CERT1: variants seen among roughly 807,000 people sequenced by gnomAD.
CERT1 encodes the protein ceramide transporter 1.
CERT1 carries 31 observed loss-of-function variants against 87.9 expected under a neutral mutation model. The ratio of observed to expected loss-of-function variants is 0.35; its 90% CI spans 0.27 to 0.48. CERT1 has a LOEUF of 0.48. Among genes scored for constraint, CERT1 ranks in the 20% least tolerant of loss-of-function variants. The pLI, the probability that CERT1 is intolerant of heterozygous loss-of-function variation, is 0.99. For missense variants in CERT1, 487 were observed against 758.0 expected, an observed-to-expected ratio of 0.64 and a Z score of 4.20; for synonymous variants, 289 against 250.9, an observed-to-expected ratio of 1.15 and a Z score of -1.44.
At chr5:75,459,895 G>A (rs1168276237) in intron 2 of CERT1, among the ~76,000 whole-genome samples, 4 of 149,410 alleles carry the variant, frequency 2.7e-5, no homozygotes, top group African/African-American at 7.4e-5. Context: ...CCGGGAGGCC[G>A]AGGTTTCAGT....
chr5:75,399,770 A>G (rs973333347), intron 10 of CERT1, among the ~76,000 whole-genome samples: 4 of 152,204 alleles, frequency 2.6e-5, no homozygotes, highest in African/African-American at 9.6e-5. Flanking sequence ...GAGGATGTAT[A>G]TGGAATACAA....
At chr5:75,386,324 A>T (rs1366877281) in intron 12 of CERT1, among the ~76,000 whole-genome samples, 9 of 151,628 alleles carry the variant, frequency 5.9e-5, no homozygotes, top group Non-Finnish European at 1.0e-4. Context: ...TACCATTCTC[A>T]AAAGACTGTT....
At chr5:75,369,965 G>GC (rs1761026460) in intron 17 of CERT1, 1 of 152,186 alleles carries the variant, frequency 6.6e-6, no homozygotes, top group Non-Finnish European at 1.5e-5. Context: ...TCGAATAATG[G>GC]CAAGAAAATC....
chr5:75,481,383 T>C (rs1466135242), intron 2 of CERT1, among the ~76,000 whole-genome samples: 1 of 152,210 alleles, frequency 6.6e-6, no homozygotes, highest in South Asian at 2.1e-4. Flanking sequence ...TAAATTTGAA[T>C]AGTTACTATA....
intron 2 of CERT1, among the ~76,000 whole-genome samples, chr5:75,464,456 G>A (rs1765374327): frequency 6.6e-6 from 1 of 152,190 alleles, no homozygotes; most frequent in Non-Finnish European, 1.5e-5. Context: ...GGGGATGCGG[G>A]TGAAGGCAAG....
intron 7 of CERT1, among the ~76,000 whole-genome samples, chr5:75,415,028 G>GTA (rs199553550): frequency 3.0e-4 from 46 of 151,674 alleles, no homozygotes; most frequent in East Asian, 1.7e-3. Flanking sequence ...TCTTTAGTGT[G>GTA]TATATATACA....
At chr5:75,434,628 T>TAG (rs1764013121) in intron 3 of CERT1, among the ~76,000 whole-genome samples, 1 of 151,900 alleles carries the variant, frequency 6.6e-6, no homozygotes, top group Non-Finnish European at 1.5e-5. Context: ...CACGGCTTTT[T>TAG]CTGATTGGTA....
chr5:75,500,166 A>G (rs1219446584), intron 2 of CERT1, among the ~76,000 whole-genome samples: 1 of 152,174 alleles, frequency 6.6e-6, no homozygotes, highest in Non-Finnish European at 1.5e-5. Flanking sequence ...GAAACTCATG[A>G]AACAGCTTCT....
intron 3 of CERT1, 93 bp downstream of exon 3, chr5:75,458,972 G>C (rs1765116631): frequency 2.9e-6 from 2 of 678,670 alleles, no homozygotes; most frequent in South Asian, 1.9e-5. Flanking sequence ...CAATGTTTCA[G>C]TAACTAATGT....
intron 1 of CERT1, 132 bp from the exon 2 acceptor site, chr5:75,506,248 A>C (rs909387797): frequency 5.6e-6 from 4 of 708,218 alleles, no homozygotes; most frequent in Middle Eastern, 2.6e-4. Flanking sequence ...TCTAAGCATA[A>C]ACAGTAAAAT....
At chr5:75,391,450 CA>C (rs1762025561) in intron 11 of CERT1, among the ~76,000 whole-genome samples, 1 of 152,128 alleles carries the variant, frequency 6.6e-6, no homozygotes, top group Non-Finnish European at 1.5e-5. Flanking sequence ...TAAACACTAA[CA>C]ATATTTTATT....
chr5:75,495,451 G>A lies in CERT1; in HGVS notation c.231+10531C>T, dbSNP rs373805547. Among the ~76,000 whole-genome samples, 43 of 152,120 alleles carry A rather than the reference G, an allele frequency of 2.8e-4. 1 individual carries two copies. The East Asian group carries it at 4.6e-3, about 16-fold the overall frequency. ...CGCATGCCTGTAGTCTCAGCTACTCGGGGGGCTGAGGCAGAAGAATTACTT... is the reference window on the plus strand; with the variant it reads ...CGCATGCCTGTAGTCTCAGCTACTCAGGGGGCTGAGGCAGAAGAATTACTT... On this transcript the variant is annotated intron_variant, in intron 2 of 16. Coordinates refer to ENST00000643780, the MANE Select transcript of CERT1 (RefSeq NM_001379029.1).
intron 11 of CERT1, among the ~76,000 whole-genome samples, chr5:75,399,031 C>T (rs149234424): frequency 5.3e-5 from 8 of 152,138 alleles, no homozygotes; most frequent in Admixed American, 3.3e-4. Flanking sequence ...ACATGATATA[C>T]AAAACCCAGT....
chr5:75,449,892 T>G (rs1357572416), intron 3 of CERT1, among the ~76,000 whole-genome samples: 1 of 152,222 alleles, frequency 6.6e-6, no homozygotes, highest in Non-Finnish European at 1.5e-5. Flanking sequence ...CTTCCTAAAC[T>G]TTTTGTATTG....
intron 2 of CERT1, among the ~76,000 whole-genome samples, chr5:75,480,725 A>G (rs983380069): frequency 6.6e-6 from 1 of 152,200 alleles, no homozygotes; most frequent in African/African-American, 2.4e-5. Flanking sequence ...CATTTCTGTA[A>G]ATGGTAACAA....
At chr5:75,408,533 G>C (rs1245140621) in intron 8 of CERT1, among the ~76,000 whole-genome samples, 1 of 152,074 alleles carries the variant, frequency 6.6e-6, no homozygotes, top group East Asian at 1.9e-4. Context: ...CTCACAAACA[G>C]AAAGTCAAAT....
At chr5:75,504,751 CTT>C (rs558482615) in intron 2 of CERT1, among the ~76,000 whole-genome samples, 97 of 131,520 alleles carry the variant, frequency 7.4e-4, no homozygotes, top group Middle Eastern at 3.9e-3. Flanking sequence ...TTAGCCAACA[CTT>C]TTTTTTTTTT....
chr5:75,391,882 T>G (rs769926285), intron 11 of CERT1, among the ~76,000 whole-genome samples: 1 of 152,184 alleles, frequency 6.6e-6, no homozygotes, highest in Non-Finnish European at 1.5e-5. Flanking sequence ...AAAGAAATGC[T>G]TCCCCCAAAT....
chr5:75,413,348 C>T (rs987580739), intron 7 of CERT1, among the ~76,000 whole-genome samples: 5 of 152,108 alleles, frequency 3.3e-5, no homozygotes, highest in African/African-American at 4.8e-5. Context: ...ACCACATCAG[C>T]GTTAAAGACA....
Sources: allele counts gnomAD v4.1 joint callset (sites outside exome capture counted in the v4.1 genomes callset), GRCh38; gene constraint gnomAD v4.1.1; transcripts MANE v1.5; gene names NCBI Gene and HGNC (gene_info 2026-07-23, HGNC 2026-07-21).